ARMC9: variants seen among roughly 807,000 people sequenced by gnomAD.
ARMC9 encodes the protein armadillo repeat containing 9.
A neutral mutation model predicts 107.0 loss-of-function variants in ARMC9; 94 were observed. The ratio of observed to expected loss-of-function variants is 0.88; its 90% CI spans 0.74 to 1.04. The LOEUF (loss-of-function observed/expected upper bound fraction) is 1.04, where lower values mean the gene tolerates loss of function less well. Among genes scored for constraint, ARMC9 ranks in the 50% least tolerant of loss-of-function variants. The pLI is 0.00. For synonymous variants in ARMC9, 380 were observed against 396.9 expected (o/e 0.96, Z 0.51); for missense variants, 942 against 1,030.1 (o/e 0.91, Z 1.17).
chr2:231,284,572 C>G (rs1258312176), intron 17 of ARMC9, among the ~76,000 whole-genome samples: 1 of 152,214 alleles, frequency 6.6e-6, no homozygotes, highest in African/African-American at 2.4e-5. Context: ...TAAGGCTTCT[C>G]TTGACATGGC....
At chr2:231,347,495 A>G (rs16827986) in intron 21 of ARMC9, among the ~76,000 whole-genome samples, 12,209 of 147,896 alleles carry the variant, frequency 0.083, 1,443 homozygotes, top group African/African-American at 0.29. Context: ...TGATGTGCAA[A>G]ATTTGTAGTT....
At chr2:231,227,517 G>C (rs2125342575) in intron 7 of ARMC9, among the ~76,000 whole-genome samples, 1 of 152,346 alleles carries the variant, frequency 6.6e-6, no homozygotes, top group Non-Finnish European at 1.5e-5. Flanking sequence ...GTGACTACAG[G>C]AGATCTTGTT....
intron 7 of ARMC9, 103 bp downstream of exon 7, chr2:231,226,901 T>C: frequency 7.3e-7 from 1 of 1,366,972 alleles, no homozygotes; most frequent in Non-Finnish European, 1.0e-6. Flanking sequence ...ATTTTGGCTT[T>C]AAGAGTCTAA....
chr2:231,216,290 G>A (rs2033493577), intron 4 of ARMC9, among the ~76,000 whole-genome samples: 1 of 152,192 alleles, frequency 6.6e-6, no homozygotes, highest in Admixed American at 6.5e-5. Context: ...ATGTGTCTAG[G>A]TAATAATGGG....
chr2:231,359,248 G>T (rs190286845), intron 22 of ARMC9, among the ~76,000 whole-genome samples: 1 of 151,936 alleles, frequency 6.6e-6, no homozygotes, highest in Non-Finnish European at 1.5e-5. Flanking sequence ...TACCATACCC[G>T]GCTAATTTTT....
intron 19 of ARMC9, among the ~76,000 whole-genome samples, chr2:231,318,149 G>C (rs1254049225): frequency 6.6e-6 from 1 of 151,900 alleles, no homozygotes; most frequent in East Asian, 1.9e-4. Flanking sequence ...GAGGGCTGTT[G>C]CTTTCATTTG....
At chr2:231,266,389 G>A (rs1238338103) in intron 12 of ARMC9, among the ~76,000 whole-genome samples, 5 of 152,182 alleles carry the variant, frequency 3.3e-5, no homozygotes, top group African/African-American at 1.2e-4. Flanking sequence ...TGAAATTGTA[G>A]AGAACTGAAT....
At position 231,258,228 on chromosome 2, in the gene ARMC9, C is replaced by G. The variant is rs113119012; in HGVS notation, c.915-763C>G. Among the ~76,000 whole-genome samples, 89 of 152,210 alleles carry G rather than the reference C, an allele frequency of 5.8e-4. 1 individual carries two copies. Among genetic ancestry groups the G allele is most frequent in the African/African-American group, 2.0e-3 (83 of 41,534 alleles). ...GAGACGGAGTCTTGCTGTGTCTTGC[C>G]TAGACCGGAGTGGTGCGATCTCGGC... is the stretch of plus-strand genomic sequence containing the variant. On this transcript the variant is annotated intron_variant, in intron 10 of 24. Coordinates refer to ENST00000611582, the MANE Select transcript of ARMC9 (RefSeq NM_001352754.2).
At position 231,221,830 on chromosome 2, in the gene ARMC9, CAAAA is replaced by C. The variant is rs61031104; in HGVS notation, c.505-883_505-880del. Reference sequence around the variant, plus strand: ...TGGGTGACAAAGCAAGACTCTGTCTCAAAAAAAAAAAAAAAAAAGAACTTTCTGC... The same window carrying C: ...TGGGTGACAAAGCAAGACTCTGTCTCAAAAAAAAAAAAAAGAACTTTCTGC... On this transcript the variant is annotated intron_variant, in intron 5 of 24. Coordinates refer to ENST00000611582, the MANE Select transcript of ARMC9 (RefSeq NM_001352754.2). Among the ~76,000 whole-genome samples, 10 of 74,076 alleles carry C rather than the reference CAAAA, an allele frequency of 1.3e-4. No homozygotes were observed. In the South Asian group the frequency reaches 4.6e-3, roughly 34 times the overall value. The allele number at this position is 74,076 out of a possible 152,430, so 48.6% of individuals were successfully genotyped here. A position where few individuals can be genotyped will look rare whatever the true frequency, so the allele number is the denominator to read the frequency against.
At chr2:231,329,876 CATATT>C (rs2043604204) in intron 19 of ARMC9, among the ~76,000 whole-genome samples, 1 of 152,106 alleles carries the variant, frequency 6.6e-6, no homozygotes, top group South Asian at 2.1e-4. Flanking sequence ...CATAGACAGT[CATATT>C]ATGTGCAAAT....
At chr2:231,320,525 T>C (rs1000472936) in intron 19 of ARMC9, among the ~76,000 whole-genome samples, 1 of 149,992 alleles carries the variant, frequency 6.7e-6, no homozygotes, top group African/African-American at 2.5e-5. Flanking sequence ...GACAGAGATG[T>C]GAACAGCAAG....
chr2:231,208,299 C>T, intron 3 of ARMC9, 47 bp downstream of exon 3: 2 of 1,467,152 alleles, frequency 1.4e-6, no homozygotes, highest in East Asian at 2.3e-5. Context: ...TCAGGATGCT[C>T]CCAACTTGTG....
chr2:231,359,482 CT>C lies in ARMC9; in HGVS notation c.2132-1271del, dbSNP rs1158941208. ...AAGGGGACAGTTGAACCAAGACCAC[CT>C]CATGGTCTTGGGACACTCCAGCTCA... On this transcript the variant is annotated intron_variant, in intron 22 of 24. Coordinates refer to ENST00000611582, the MANE Select transcript of ARMC9 (RefSeq NM_001352754.2). Among the ~76,000 whole-genome samples the C allele has an allele frequency of 2.6e-5, 4 of 152,088 alleles. No individual in the cohort carries two copies. The South Asian group carries it at 6.2e-4, about 24-fold the overall frequency.
rs1322418026 is a variant in ARMC9 at position 231,302,433 on chromosome 2, G to GTTTTTTTTTTTTTTTTTTTTTT, written c.1773+6183_1773+6184insTTTTTTTTTTTTTTTTTTTTTT. On this transcript the variant is annotated intron_variant, in intron 19 of 24. Coordinates refer to ENST00000611582, the MANE Select transcript of ARMC9 (RefSeq NM_001352754.2). ...TTTATGAAAAAGTGTAGCATTGTGGGTTTGTTTTTTTTTTTTTTTTTTTTT... is the reference window on the plus strand; with the variant it reads ...TTTATGAAAAAGTGTAGCATTGTGGGTTTTTTTTTTTTTTTTTTTTTTTTTGTTTTTTTTTTTTTTTTTTTTT... Among the ~76,000 whole-genome samples, 48 of 96,428 alleles carry GTTTTTTTTTTTTTTTTTTTTTT rather than the reference G, an allele frequency of 5.0e-4. 3 individuals carry two copies. The highest frequency in any genetic ancestry group is 8.6e-3 in the Middle Eastern group (1 of 116). 63.3% of individuals were successfully genotyped at this position (96,428 alleles called of 152,430 possible). A position where few individuals can be genotyped will look rare whatever the true frequency, so the allele number is the denominator to read the frequency against.
At chr2:231,298,232 T>G (rs2041501183) in intron 19 of ARMC9, among the ~76,000 whole-genome samples, 1 of 152,266 alleles carries the variant, frequency 6.6e-6, no homozygotes, top group African/African-American at 2.4e-5. Flanking sequence ...GACTCTGTGA[T>G]GAACCCCGGG....
chr2:231,241,338 T>C (rs961366754), intron 9 of ARMC9, among the ~76,000 whole-genome samples: 2 of 152,192 alleles, frequency 1.3e-5, no homozygotes, highest in Non-Finnish European at 2.9e-5. Flanking sequence ...CTAGCACACC[T>C]GAAGGCCCAT....
chr2:231,288,553 T>A (rs145939510), intron 17 of ARMC9: 93 of 465,032 alleles, frequency 2.0e-4, no homozygotes, highest in African/African-American at 1.7e-3. Flanking sequence ...AGAGTTCAGT[T>A]GTTGAGTAAA....
intron 3 of ARMC9, among the ~76,000 whole-genome samples, chr2:231,208,888 G>A (rs1412344773): frequency 3.3e-5 from 5 of 152,052 alleles, no homozygotes; most frequent in African/African-American, 4.8e-5. Flanking sequence ...GTGCAACACA[G>A]TAGGACCTCG....
At chr2:231,312,506 G>A (rs1041384793) in intron 19 of ARMC9, among the ~76,000 whole-genome samples, 12 of 152,202 alleles carry the variant, frequency 7.9e-5, no homozygotes, top group Non-Finnish European at 1.6e-4. Context: ...AGTTTGTGGC[G>A]GTTAAACAGT....
Sources: allele counts gnomAD v4.1 joint callset (sites outside exome capture counted in the v4.1 genomes callset), GRCh38; gene constraint gnomAD v4.1.1; transcripts MANE v1.5; gene names NCBI Gene and HGNC (gene_info 2026-07-23, HGNC 2026-07-21).